NAALADL2: variants seen among roughly 807,000 people sequenced by gnomAD.
The protein encoded by NAALADL2 is inactive N-acetylated-alpha-linked acidic dipeptidase-like protein 2.
In NAALADL2, 76 loss-of-function variants were observed where a neutral mutation model predicts 87.2. That is an observed-to-expected ratio of 0.87 (90% CI 0.72 to 1.05). The LOEUF is 1.05. NAALADL2 is among the 50% of genes least tolerant of loss of function. NAALADL2 has a pLI of 0.00. For synonymous variants in NAALADL2, 354 were observed against 331.0 expected (o/e 1.07, Z -0.75); for missense variants, 1,089 against 945.8 (o/e 1.15, Z -1.99).
intron 3 of NAALADL2, among the ~76,000 whole-genome samples, chr3:174,807,906 A>G (rs1187122997): frequency 7.4e-6 from 1 of 134,460 alleles, no homozygotes; most frequent in Admixed American, 8.1e-5. Context: ...AGAGATATGC[A>G]GTGGCAGTAG....
intron 1 of NAALADL2, among the ~76,000 whole-genome samples, chr3:175,075,125 A>G (rs927819289): frequency 6.6e-6 from 1 of 152,108 alleles, no homozygotes; most frequent in Non-Finnish European, 1.5e-5. Context: ...TTTTATTATT[A>G]CCACCATTTT....
At chr3:174,879,249 CACAG>C (rs1728893943) in intron 1 of NAALADL2, among the ~76,000 whole-genome samples, 1 of 152,004 alleles carries the variant, frequency 6.6e-6, no homozygotes. Flanking sequence ...GACTACAGAC[CACAG>C]ACAGTTTTAA....
chr3:175,568,466 G>A (rs1013457264), intron 9 of NAALADL2, among the ~76,000 whole-genome samples: 3 of 152,192 alleles, frequency 2.0e-5, no homozygotes, highest in African/African-American at 7.2e-5. Context: ...ACATTTAGAA[G>A]TAGTTTATTC....
At chr3:174,803,028 C>T (rs1318568610) in intron 3 of NAALADL2, among the ~76,000 whole-genome samples, 1 of 152,116 alleles carries the variant, frequency 6.6e-6, no homozygotes, top group African/African-American at 2.4e-5. Flanking sequence ...AATGATATTT[C>T]TAGTTCTAGA....
chr3:174,619,925 T>C (rs1174318652), intron 2 of NAALADL2, among the ~76,000 whole-genome samples: 1 of 152,028 alleles, frequency 6.6e-6, no homozygotes, highest in Admixed American at 6.6e-5. Context: ...ATTACATGCA[T>C]TTTTCATTTA....
intron 3 of NAALADL2, among the ~76,000 whole-genome samples, chr3:174,840,301 T>G (rs570904331): frequency 6.6e-6 from 1 of 152,150 alleles, no homozygotes; most frequent in South Asian, 2.1e-4. Flanking sequence ...TTCATTATTC[T>G]ATTATCAAAT....
chr3:174,961,046 A>ATG (rs1349610790), intron 1 of NAALADL2, among the ~76,000 whole-genome samples: 2 of 147,632 alleles, frequency 1.4e-5, no homozygotes, highest in Non-Finnish European at 3.0e-5. Context: ...CTAAAAATAT[A>ATG]TATATATATT....
At chr3:175,590,343 T>A (rs1721245834) in intron 10 of NAALADL2, among the ~76,000 whole-genome samples, 1 of 151,274 alleles carries the variant, frequency 6.6e-6, no homozygotes, top group African/African-American at 2.4e-5. Context: ...GTTGAATTTT[T>A]TTTTTTTTTT....
intron 10 of NAALADL2, 42 bp from the exon 11 acceptor site, chr3:175,627,249 T>A: frequency 6.9e-7 from 1 of 1,448,652 alleles, no homozygotes; most frequent in South Asian, 1.3e-5. Flanking sequence ...AAAAACAAAA[T>A]CGATAAAGAG....
chr3:175,679,163 T>A (rs1284976741), intron 11 of NAALADL2, among the ~76,000 whole-genome samples: 2 of 151,986 alleles, frequency 1.3e-5, no homozygotes. Context: ...ACTTCTTTTG[T>A]GATTCTTCAG....
At chr3:175,397,889 T>G (rs1770017658) in intron 5 of NAALADL2, among the ~76,000 whole-genome samples, 1 of 152,098 alleles carries the variant, frequency 6.6e-6, no homozygotes, top group Admixed American at 6.6e-5. Context: ...GGAATTGGGC[T>G]AAGAGTTTCC....
chr3:175,625,849 G>A (rs1374081537), intron 10 of NAALADL2, among the ~76,000 whole-genome samples: 1 of 151,892 alleles, frequency 6.6e-6, no homozygotes, highest in Admixed American at 6.6e-5. Flanking sequence ...CATATGGAGA[G>A]TACTTATCCC....
chr3:174,854,825 G>T (rs1417140599), upstream of NAALADL2, among the ~76,000 whole-genome samples: 71 of 141,594 alleles, frequency 5.0e-4, no homozygotes, highest in East Asian at 2.8e-3. Context: ...TATGTGCTTT[G>T]CTTTTTTTTC....
At chr3:175,332,150 T>G (rs778556015) in intron 5 of NAALADL2, among the ~76,000 whole-genome samples, 1 of 152,182 alleles carries the variant, frequency 6.6e-6, no homozygotes, top group East Asian at 1.9e-4. Context: ...ATGACCAAAC[T>G]GCCTAAATGA....
chr3:175,562,953 G>GGT (rs71164639), intron 9 of NAALADL2, among the ~76,000 whole-genome samples: 90,149 of 149,806 alleles, frequency 0.6, 28,958 homozygotes, highest in East Asian at 0.78. Flanking sequence ...ATATAGGAGG[G>GGT]GTGTGTGTGT....
chr3:175,018,491 G>A (rs981732010), intron 1 of NAALADL2, among the ~76,000 whole-genome samples: 1 of 151,980 alleles, frequency 6.6e-6, no homozygotes, highest in African/African-American at 2.4e-5. Flanking sequence ...TTTGTTTTCA[G>A]ACATAGTAAA....
chr3:175,699,169 A>G (rs1238520098), intron 11 of NAALADL2, among the ~76,000 whole-genome samples: 1 of 151,982 alleles, frequency 6.6e-6, no homozygotes, highest in South Asian at 2.1e-4. Context: ...AGCTGAGCAA[A>G]TTTTTGCTGG....
At chr3:175,275,785 AC>A (rs1470827905) in intron 4 of NAALADL2, among the ~76,000 whole-genome samples, 2 of 151,782 alleles carry the variant, frequency 1.3e-5, no homozygotes, top group African/African-American at 4.8e-5. Context: ...AACTCTAAGT[AC>A]TATCTATACC....
chr3:174,767,444 C>T (rs1443129634), intron 3 of NAALADL2, among the ~76,000 whole-genome samples: 2 of 152,168 alleles, frequency 1.3e-5, no homozygotes, highest in Non-Finnish European at 2.9e-5. Flanking sequence ...CTGGATCTAA[C>T]ATTCATGTTC....
Sources: allele counts gnomAD v4.1 joint callset (sites outside exome capture counted in the v4.1 genomes callset), GRCh38; gene constraint gnomAD v4.1.1; transcripts MANE v1.5; gene names NCBI Gene and HGNC (gene_info 2026-07-23, HGNC 2026-07-21).